The following CHST5 variants were observed in gnomAD, a reference collection of about 807,000 sequenced individuals.
CHST5 encodes carbohydrate sulfotransferase 5, also known as GST4-alpha.
For missense variants in CHST5, 637 were observed against 602.1 expected, an observed-to-expected ratio of 1.06 and a Z score of -0.61; for synonymous variants, 313 against 279.2, an observed-to-expected ratio of 1.12 and a Z score of -1.21.
chr16:75,533,305 C>T, intron 2 of CHST5, 122 bp from the exon 3 acceptor site: 1 of 693,222 alleles, frequency 1.4e-6, no homozygotes, highest in Non-Finnish European at 2.6e-6. Flanking sequence ...GTTATCCTCC[C>T]AAGTCCCTTG....
intron 1 of CHST5, among the ~76,000 whole-genome samples, 184 bp downstream of exon 1, chr16:75,535,860 C>A (rs1300495733): frequency 6.6e-6 from 1 of 152,196 alleles, no homozygotes; most frequent in African/African-American, 2.4e-5. Context: ...ACGTTGTAAC[C>A]CTTCCTCACC....
At chr16:75,534,618 G>A (rs148335295) in intron 2 of CHST5, among the ~76,000 whole-genome samples, 1,811 of 152,314 alleles carry the variant, frequency 0.012, 44 homozygotes, top group African/African-American at 0.04. Flanking sequence ...TTCAGCCTGG[G>A]TGACAGAGCG....
rs1447406245 is a variant in CHST5 at position 75,529,539 on chromosome 16, C to T, written c.846G>A (p.Pro282=). The T allele has an allele frequency of 4.3e-6, 7 of 1,609,834 alleles. No individual in the cohort carries two copies. The highest frequency in any genetic ancestry group is 5.9e-6 in the Non-Finnish European group (7 of 1,179,256). ...GGTAGCGGCCGCGCAGGAAGGGTGG[C>T]GGCTTGAGTGTGGCGGCCTCGGCGA... ...VRIAEAATLK[P]PPFLRGRYRL... The change falls in exon 4 of 4, where the codon CCG becomes CCA. Residue 282 remains proline, a synonymous_variant. Transcript: ENST00000336257.
chr16:75,530,534 C>T lies in CHST5; in HGVS notation c.-150G>A. The T allele has an allele frequency of 1.4e-6, 2 of 1,440,488 alleles. No individual in the cohort carries two copies. Among genetic ancestry groups the T allele is most frequent in the Non-Finnish European group, 1.8e-6 (2 of 1,094,934 alleles). 89.2% of individuals were successfully genotyped at this position (1,440,488 alleles called of 1,614,324 possible). The stretch of plus-strand genomic sequence containing the variant: ...GACATAGGCCAGAATATAGTCTGTG[C>T]TCACAGCAGAAGTCCAGTTGCAGAA... On this transcript the variant is annotated 5_prime_UTR_variant, in exon 4 of 4. Transcript: ENST00000336257.
At chr16:75,531,695 C>A in intron 3 of CHST5, 55 bp from the exon 4 acceptor site, 1 of 1,229,242 alleles carries the variant, frequency 8.1e-7, no homozygotes, top group African/African-American at 1.6e-5. Context: ...CAGCCCTGTA[C>A]ATAGAAAGCT....
At position 75,528,531 on chromosome 16, in the gene CHST5, T is replaced by G. The variant is rs1274105591; in HGVS notation, c.*618A>C. On this transcript the variant is annotated 3_prime_UTR_variant, in exon 4 of 4. Coordinates refer to ENST00000336257, the MANE Select transcript of CHST5 (RefSeq NM_024533.5). ...AAAATGAGGTTACAGTTCACTAGAT[T>G]GCAGGACTTTTGAACAAATTTATTA... 2 of 152,154 alleles carry G rather than the reference T, an allele frequency of 1.3e-5. No individual in the cohort carries two copies. Among genetic ancestry groups the G allele is most frequent in the African/African-American group, 4.8e-5 (2 of 41,428 alleles). The allele number at this position is 152,154 out of a possible 1,614,324, so 9.4% of individuals were successfully genotyped here.
rs1281668756 is a variant in CHST5 at position 75,528,670 on chromosome 16, C to G, written c.*479G>C. The G allele has an allele frequency of 2.6e-5, 4 of 155,392 alleles. No individual in the cohort carries two copies. The highest frequency in any genetic ancestry group is 2.5e-4 in the Admixed American group (4 of 15,974). The allele number at this position is 155,392 out of a possible 1,614,324, so 9.6% of individuals were successfully genotyped here. A position where few individuals can be genotyped will look rare whatever the true frequency, so the allele number is the denominator to read the frequency against. ...CCAAGTGATTCTCCCACCTCAGCCT[C>G]CTAAGTAGCTGGGATTACAGGAGTG... is the stretch of plus-strand genomic sequence containing the variant. On this transcript the variant is annotated 3_prime_UTR_variant, in exon 4 of 4. Transcript: ENST00000336257.
In CHST5 at chr16:75,529,809, G is replaced by A. The variant is rs547666035; in HGVS notation, c.576C>T (p.His192=). 4.3e-5 allele frequency: 70 copies of A among 1,613,796 alleles called. No homozygotes were observed. Among genetic ancestry groups the A allele is most frequent in the Non-Finnish European group, 5.7e-5 (67 of 1,179,908 alleles). The change falls in exon 4 of 4, where the codon CAC becomes CAT. Residue 192 remains histidine, a synonymous_variant. Transcript: ENST00000336257. ...LAREACRSYS[H]VVLKEVRFFN... ...AGAAGCGCACCTCCTTGAGCACCAC[G>A]TGGCTGTAGGAGCGGCAGGCCTCCC...
Position 75,529,579 on chromosome 16 carries a change from CG to C in CHST5, c.805del (p.Arg269AlafsTer47). On this transcript the variant is annotated frameshift_variant, in exon 4 of 4. Coordinates refer to ENST00000336257, the MANE Select transcript of CHST5 (RefSeq NM_024533.5). LOFTEE classifies it low-confidence loss of function (END_TRUNC). ...GGCCTCGGCGATGCGCACGTGGCTG[CG>C]GCACACCTCGCGAATCAGGCGCAGG... ...PHLRLIREVC[R>X]SHVRIAEAAT... The C allele has an allele frequency of 6.2e-7, 1 of 1,609,482 alleles. No individual in the cohort carries two copies. The highest frequency in any genetic ancestry group is 8.5e-7 in the Non-Finnish European group (1 of 1,178,790).
Position 75,529,793 on chromosome 16 carries a change from C to T in CHST5, c.592G>A (p.Val198Met), listed in dbSNP as rs762121324. The change falls in exon 4 of 4, where the codon GTG (valine) becomes ATG (methionine). Residue 198 changes from valine to methionine, a missense_variant. By Grantham distance (21) the Val-to-Met change is conservative. Transcript: ENST00000336257. ...RSYSHVVLKE[V>M]RFFNLQVLYP... is the part of the protein sequence containing the mutation. The stretch of plus-strand genomic sequence containing the variant: ...AGCACCTGCAGGTTGAAGAAGCGCA[C>T]CTCCTTGAGCACCACGTGGCTGTAG... 6.2e-6 allele frequency: 10 copies of T among 1,613,854 alleles called. No homozygotes were observed. Among genetic ancestry groups the T allele is most frequent in the South Asian group, 2.2e-5 (2 of 91,090 alleles).
In CHST5 at chr16:75,530,246, T is replaced by G; in HGVS notation, c.139A>C (p.Ile47Leu). 6.2e-7 allele frequency: 1 copy of G among 1,613,538 alleles called. No homozygotes were observed. Among genetic ancestry groups the G allele is most frequent in the Non-Finnish European group, 8.5e-7 (1 of 1,179,928 alleles). Residue 47 changes from isoleucine (I) to leucine (L), a missense_variant, in exon 4 of 4, where the codon ATC (isoleucine) becomes CTC (leucine). By Grantham distance (5) the Ile-to-Leu change is conservative. Transcript: ENST00000336257. ...LAQTTCLLLF[I>L]ISRPGPSSPA... ...GATGAGGGCCCTGGCCGGGAGATGA[T>G]GAAGAGCAGGAGGCAGGTGGTCTGT...
intron 3 of CHST5, among the ~76,000 whole-genome samples, chr16:75,531,947 G>C (rs4149504): frequency 0.17 from 25,557 of 152,112 alleles, 2,293 homozygotes; most frequent in Middle Eastern, 0.22. Context: ...ACTGCCAATG[G>C]GGAGCTATGA....
chr16:75,529,943 T>A lies in CHST5; in HGVS notation c.442A>T (p.Ser148Cys). ...NLSAFFNWAT[S>C]RALCSPPACS... ...GCGGGCGGCGAGCACAGCGCGCGGC[T>A]CGTTGCCCAGTTGAAAAAGGCGGAC... The change falls in exon 4 of 4, where the codon AGC becomes TGC. Residue 148 changes from serine to cysteine, a missense_variant. Coordinates refer to ENST00000336257, the MANE Select transcript of CHST5 (RefSeq NM_024533.5). 1 of 1,613,218 alleles carries A rather than the reference T, an allele frequency of 6.2e-7. No individual in the cohort carries two copies. Among genetic ancestry groups the A allele is most frequent in the Non-Finnish European group, 8.5e-7 (1 of 1,179,914 alleles).
In CHST5 at chr16:75,533,257, A is replaced by C. The variant is rs568043457; in HGVS notation, c.-1351-74T>G. On this transcript the variant is annotated intron_variant, in intron 2 of 3. Coordinates refer to ENST00000336257, the MANE Select transcript of CHST5 (RefSeq NM_024533.5). ...CAAAGTTAGGGAGAACCAGTCAGCC[A>C]GGCCCTGTGATATGCACTTTCATCT... The C allele has an allele frequency of 4.4e-4, 307 of 702,176 alleles. 7 individuals carry two copies. The highest frequency in any genetic ancestry group is 3.6e-3 in the South Asian group (243 of 67,570). The allele number at this position is 702,176 out of a possible 1,614,324, so 43.5% of individuals were successfully genotyped here.
At chr16:75,533,048 G>T in intron 3 of CHST5, 41 bp downstream of exon 3, 1 of 689,320 alleles carries the variant, frequency 1.5e-6, no homozygotes, top group South Asian at 1.5e-5. Flanking sequence ...GCCCTTCCCT[G>T]GGTAGGGAGG....
chr16:75,534,038 CAAAA>C (rs35062691), intron 2 of CHST5, among the ~76,000 whole-genome samples: 2,671 of 81,238 alleles, frequency 0.033, 116 homozygotes, highest in African/African-American at 0.096. Flanking sequence ...AACTCCATAT[CAAAA>C]AAAAAAAAAA....
At chr16:75,535,461 TG>T (rs1298635269) in intron 1 of CHST5, among the ~76,000 whole-genome samples, 52 bp from the exon 2 acceptor site, 1 of 152,144 alleles carries the variant, frequency 6.6e-6, no homozygotes, top group Admixed American at 6.5e-5. Flanking sequence ...GGGGGTGTCC[TG>T]GGGCTACCAC....
rs1321074569 is a variant in CHST5, at chr16:75,529,828, G to A, written c.557C>T (p.Ala186Val). The change falls in exon 4 of 4, where the codon GCC becomes GTC. Residue 186 changes from alanine (A) to valine (V), a missense_variant. Transcript: ENST00000336257. ...CACCACGTGGCTGTAGGAGCGGCAG[G>A]CCTCCCGGGCCAGGCTGAATGGCTG... ...TRQPFSLARE[A>V]CRSYSHVVLK... is the part of the protein sequence containing the mutation. 6.2e-7 allele frequency: 1 copy of A among 1,613,660 alleles called. No homozygotes were observed. Among genetic ancestry groups the A allele is most frequent in the Non-Finnish European group, 8.5e-7 (1 of 1,179,928 alleles).
rs1336602302 is a variant in CHST5 at position 75,530,854 on chromosome 16, T to A, written c.-470A>T. ...TAAATCTCTCTGTGACGGATCACTT[T>A]ACCCGTGTGTGAAAGAGGGATAATT... On this transcript the variant is annotated 5_prime_UTR_variant, in exon 4 of 4. Coordinates refer to ENST00000336257, the MANE Select transcript of CHST5 (RefSeq NM_024533.5). 11 of 996,474 alleles carry A rather than the reference T, an allele frequency of 1.1e-5. No individual in the cohort carries two copies. Among genetic ancestry groups the A allele is most frequent in the Non-Finnish European group, 1.3e-5 (11 of 824,370 alleles). 61.7% of individuals were successfully genotyped at this position (996,474 alleles called of 1,614,324 possible).
Sources: allele counts gnomAD v4.1 joint callset (sites outside exome capture counted in the v4.1 genomes callset), GRCh38; gene constraint gnomAD v4.1.1; transcripts MANE v1.5; gene names NCBI Gene and HGNC (gene_info 2026-07-23, HGNC 2026-07-21).